Variants in ATL2 observed in about 807,000 individuals in gnomAD.
ATL2 encodes atlastin-2.
ATL2 carries 31 observed loss-of-function variants against 73.9 expected under a neutral mutation model. That is an observed-to-expected ratio of 0.42 (90% CI 0.32 to 0.57). ATL2 has a LOEUF of 0.57. Among genes scored for constraint, ATL2 ranks in the 20% least tolerant of loss-of-function variants. The pLI, the probability that ATL2 is intolerant of heterozygous loss-of-function variation, is 0.14. For synonymous variants in ATL2, 291 were observed against 237.5 expected, an observed-to-expected ratio of 1.23 and a Z score of -2.07; for missense variants, 738 against 702.6, an observed-to-expected ratio of 1.05 and a Z score of -0.57.
In ATL2 at chr2:38,309,388, T is replaced by C; in HGVS notation, c.1062A>G (p.Glu354=). 4 of 1,607,026 alleles carry C rather than the reference T, an allele frequency of 2.5e-6. No homozygotes were observed. In the South Asian group the frequency reaches 3.3e-5, roughly 13 times the overall value. The change falls in exon 9 of 13, where the codon GAA becomes GAG. Residue 354 remains glutamate, a synonymous_variant. Coordinates refer to ENST00000378954, the MANE Select transcript of ATL2 (RefSeq NM_001135673.4). ...GSKVTCRDLV[E]YFKAYIKIYQ... ...TTAAGAGCTCACCTACCTTAAAATA[T>C]TCTACAAGATCTCTACAAGTGACTT...
chr2:38,294,156 A>C lies in ATL2; in HGVS notation c.*1838T>G, dbSNP rs1305856006. Among the ~76,000 whole-genome samples, 1 of 152,232 alleles carries C rather than the reference A, an allele frequency of 6.6e-6. No individual in the cohort carries two copies. Among genetic ancestry groups the C allele is most frequent in the Admixed American group, 6.5e-5 (1 of 15,288 alleles). On this transcript the variant is annotated 3_prime_UTR_variant, in exon 13 of 13. Coordinates refer to ENST00000378954, the MANE Select transcript of ATL2 (RefSeq NM_001135673.4). The stretch of plus-strand genomic sequence containing the variant: ...TGAAAACAAATACAATCCATATAAA[A>C]ACAGAATCTGAATGGGAGTGGGAGC...
chr2:38,363,416 A>G (rs536494328), intron 1 of ATL2, among the ~76,000 whole-genome samples: 4 of 151,880 alleles, frequency 2.6e-5, no homozygotes, highest in Admixed American at 2.0e-4. Context: ...CTTGGCATAC[A>G]GCTATTTTTC....
intron 1 of ATL2, among the ~76,000 whole-genome samples, chr2:38,369,392 G>A (rs866671568): frequency 5.3e-5 from 8 of 152,108 alleles, no homozygotes; most frequent in South Asian, 4.1e-4. Flanking sequence ...AGAGTGAGCC[G>A]AGACTGCTCT....
At chr2:38,320,987 CAA>C (rs34929294) in intron 2 of ATL2, among the ~76,000 whole-genome samples, 22 of 94,466 alleles carry the variant, frequency 2.3e-4, no homozygotes, top group Admixed American at 5.6e-4. Flanking sequence ...ACCAAAATGA[CAA>C]AAAAAAAAAA....
chr2:38,356,263 G>A (rs1299287299), intron 1 of ATL2, among the ~76,000 whole-genome samples: 3 of 151,680 alleles, frequency 2.0e-5, no homozygotes, highest in Non-Finnish European at 4.4e-5. Flanking sequence ...TCATCGACCA[G>A]GCTGGAGTGC....
chr2:38,308,369 A>G (rs1185716102), intron 9 of ATL2, among the ~76,000 whole-genome samples: 1 of 152,190 alleles, frequency 6.6e-6, no homozygotes, highest in African/African-American at 2.4e-5. Context: ...CAAACTTCAC[A>G]TGTTCTCACT....
rs547644226 is a variant in ATL2 at position 38,361,215 on chromosome 2, G to A, written c.118+15928C>T. Among the ~76,000 whole-genome samples the A allele has an allele frequency of 1.9e-3, 286 of 151,870 alleles. 2 individuals carry two copies. Among genetic ancestry groups the A allele is most frequent in the African/African-American group, 6.4e-3 (264 of 41,404 alleles). On this transcript the variant is annotated intron_variant, in intron 1 of 12. Coordinates refer to ENST00000378954, the MANE Select transcript of ATL2 (RefSeq NM_001135673.4). ...AAAAAATACAAAAAATTAGCCAGGCGTGGTGGCACACACCTGTAGTCCCAG... is the reference window on the plus strand; with the variant it reads ...AAAAAATACAAAAAATTAGCCAGGCATGGTGGCACACACCTGTAGTCCCAG...
rs1035389124 is a variant in ATL2, at chr2:38,376,172, A to G, written c.118+971T>C. 5.2e-6 allele frequency: 8 copies of G among 1,526,178 alleles called. No homozygotes were observed. The Admixed American group carries it at 1.0e-4, about 20-fold the overall frequency. The allele number at this position is 1,526,178 out of a possible 1,614,324, so 94.5% of individuals were successfully genotyped here. On this transcript the variant is annotated intron_variant, in intron 1 of 12. Transcript: ENST00000378954. The stretch of plus-strand genomic sequence containing the variant: ...TTGAAAAAACTTTATGCCTTTCTTA[A>G]GTACCATCAAAATTTTCAATCAGGA...
rs1177228968 is a variant in ATL2, at chr2:38,347,767, C to CTTT, written c.119-4258_119-4256dup. Among the ~76,000 whole-genome samples the CTTT allele has an allele frequency of 6.0e-5, 8 of 133,906 alleles. No individual in the cohort carries two copies. The South Asian group carries it at 7.2e-4, about 12-fold the overall frequency. The allele number at this position is 133,906 out of a possible 152,430, so 87.8% of individuals were successfully genotyped here. On this transcript the variant is annotated intron_variant, in intron 1 of 12. Transcript: ENST00000378954. ...TCAGGAGTCTTACATCTGCCCTTAC[C>CTTT]TTTTTTTTTTTTTTTTTTTTAAGGC...
intron 2 of ATL2, among the ~76,000 whole-genome samples, chr2:38,321,763 A>G (rs1173231372): frequency 6.6e-6 from 1 of 151,762 alleles, no homozygotes; most frequent in Non-Finnish European, 1.5e-5. Context: ...CCCAGGCTGG[A>G]GAGCAGTGGC....
At chr2:38,348,561 G>C (rs1670157730) in intron 1 of ATL2, among the ~76,000 whole-genome samples, 1 of 151,892 alleles carries the variant, frequency 6.6e-6, no homozygotes, top group Non-Finnish European at 1.5e-5. Flanking sequence ...TGTGGAGGTT[G>C]GTGATTTTGC....
rs138363388 is a variant in ATL2, at chr2:38,319,977, A to T, written c.364-958T>A. Among the ~76,000 whole-genome samples, 592 of 152,222 alleles carry T rather than the reference A, an allele frequency of 3.9e-3. 2 individuals are homozygous for T. The highest frequency in any genetic ancestry group is 0.012 in the African/African-American group (506 of 41,526). On this transcript the variant is annotated intron_variant, in intron 2 of 12. Coordinates refer to ENST00000378954, the MANE Select transcript of ATL2 (RefSeq NM_001135673.4). Reference sequence around the variant, plus strand: ...ACAAAAATTAGCCAGGTGTTGTGGCATATGCCTATAATCCCAGCTACTCAG... The same window carrying T: ...ACAAAAATTAGCCAGGTGTTGTGGCTTATGCCTATAATCCCAGCTACTCAG...
At position 38,294,324 on chromosome 2, in the gene ATL2, G is replaced by A. The variant is rs1229108235; in HGVS notation, c.*1670C>T. Among the ~76,000 whole-genome samples the A allele has an allele frequency of 3.3e-5, 5 of 152,166 alleles. No homozygotes were observed. The highest frequency in any genetic ancestry group is 4.8e-5 in the African/African-American group (2 of 41,438). On this transcript the variant is annotated 3_prime_UTR_variant, in exon 13 of 13. Coordinates refer to ENST00000378954, the MANE Select transcript of ATL2 (RefSeq NM_001135673.4). Reference sequence around the variant, plus strand: ...AACACTTTGGGAGGCCAAGGCAGGCGGATCACAAGGTCAGGCGATTGAGAC... The same window carrying A: ...AACACTTTGGGAGGCCAAGGCAGGCAGATCACAAGGTCAGGCGATTGAGAC...
At chr2:38,378,405 A>G (rs1672094681), upstream of ATL2, among the ~76,000 whole-genome samples, 1 of 151,972 alleles carries the variant, frequency 6.6e-6, no homozygotes, top group Admixed American at 6.6e-5. Flanking sequence ...ACACCCTGCT[A>G]ATTTTTGTAT....
chr2:38,369,665 T>A (rs1307784164), intron 1 of ATL2, among the ~76,000 whole-genome samples: 2 of 151,838 alleles, frequency 1.3e-5, no homozygotes, highest in African/African-American at 4.8e-5. Context: ...GGCAGGAGGT[T>A]CACTTGAGCC....
At chr2:38,367,805 G>C (rs1229236136) in intron 1 of ATL2, among the ~76,000 whole-genome samples, 1 of 149,744 alleles carries the variant, frequency 6.7e-6, no homozygotes, top group Admixed American at 6.7e-5. Flanking sequence ...GCTAATTTTT[G>C]TATTTTTAGT....
intron 1 of ATL2, among the ~76,000 whole-genome samples, chr2:38,344,585 G>A (rs1430391591): frequency 6.6e-6 from 1 of 152,102 alleles, no homozygotes; most frequent in Admixed American, 6.5e-5. Context: ...ATTCCAGCCT[G>A]GGCAACAGAG....
intron 4 of ATL2, 85 bp downstream of exon 4, chr2:38,318,450 G>C: frequency 9.8e-7 from 1 of 1,016,754 alleles, no homozygotes; most frequent in South Asian, 1.9e-5. Context: ...TGGGCAACAA[G>C]AGTGAAACTC....
intron 7 of ATL2, among the ~76,000 whole-genome samples, chr2:38,312,942 C>G (rs1667838414): frequency 6.6e-6 from 1 of 152,134 alleles, no homozygotes; most frequent in African/African-American, 2.4e-5. Context: ...GGATCATGAT[C>G]CTTAATTTTG....
Sources: gnomAD v4.1 joint callset for allele counts (sites outside exome capture counted in the v4.1 genomes callset) on GRCh38, gnomAD v4.1.1 for gene constraint, MANE v1.5 for transcripts, NCBI Gene and HGNC (gene_info 2026-07-23, HGNC 2026-07-21) for gene names.